The following CFAP299 variants were observed in gnomAD, a reference collection of about 807,000 sequenced individuals.
The protein encoded by CFAP299 is cilia- and flagella-associated protein 299.
In CFAP299, 21 loss-of-function variants were observed where a neutral mutation model predicts 27.0. That is an observed-to-expected ratio of 0.78 (90% confidence interval 0.55 to 1.12). The LOEUF is 1.12. CFAP299 is among the 50% of genes most tolerant of loss of function. The probability of loss-of-function intolerance (pLI) is 0.00; values close to 1 mark genes in which losing one functional copy is unlikely to be tolerated. For synonymous variants in CFAP299, 104 were observed against 98.1 expected, an observed-to-expected ratio of 1.06 and a Z score of -0.36; for missense variants, 310 against 276.6, an observed-to-expected ratio of 1.12 and a Z score of -0.86.
At chr4:80,456,615 T>G (rs907326100) in intron 2 of CFAP299, among the ~76,000 whole-genome samples, 1 of 152,152 alleles carries the variant, frequency 6.6e-6, no homozygotes, top group African/African-American at 2.4e-5. Flanking sequence ...AAATAGACCA[T>G]AAGAGAAGGA....
chr4:80,401,392 G>A (rs1399086574), intron 2 of CFAP299, among the ~76,000 whole-genome samples: 1 of 152,152 alleles, frequency 6.6e-6, no homozygotes, highest in African/African-American at 2.4e-5. Context: ...CGTGCTGTGT[G>A]CACACTAGGG....
At chr4:80,492,078 C>T (rs1322750892) in intron 2 of CFAP299, among the ~76,000 whole-genome samples, 1 of 152,186 alleles carries the variant, frequency 6.6e-6, no homozygotes, top group Non-Finnish European at 1.5e-5. Flanking sequence ...GATCTTTAGA[C>T]AAACTCAACC....
At chr4:80,426,415 A>T (rs973326053) in intron 2 of CFAP299, among the ~76,000 whole-genome samples, 2 of 152,210 alleles carry the variant, frequency 1.3e-5, no homozygotes, top group African/African-American at 4.8e-5. Context: ...ATGGAAATGA[A>T]ACTATCTATT....
At chr4:80,390,939 ATGTATGT>A (rs1560544090) in intron 2 of CFAP299, among the ~76,000 whole-genome samples, 1 of 28,254 alleles carries the variant, frequency 3.5e-5, no homozygotes, top group African/African-American at 6.7e-5. Flanking sequence ...ATATGTATAT[ATGTATGT>A]ACACACATGT....
At chr4:80,673,640 G>T (rs529531053) in intron 3 of CFAP299, among the ~76,000 whole-genome samples, 2 of 152,216 alleles carry the variant, frequency 1.3e-5, no homozygotes, top group South Asian at 2.1e-4. Context: ...TTATTATTGT[G>T]TGGGAGTCTA....
intron 2 of CFAP299, among the ~76,000 whole-genome samples, chr4:80,549,287 G>T (rs1734389831): frequency 6.6e-6 from 1 of 152,064 alleles, no homozygotes; most frequent in Non-Finnish European, 1.5e-5. Context: ...AAATGATGAT[G>T]ATGGTTTGGG....
In CFAP299 at chr4:80,856,334, T is replaced by G. The variant is rs961691243; in HGVS notation, c.334-13659T>G. ...TGTCAGATGAGTAGGTTGCGAAAATTTTCTCCCATTTTGTGGGTTGCCTGT... is the reference window on the plus strand; with the variant it reads ...TGTCAGATGAGTAGGTTGCGAAAATGTTCTCCCATTTTGTGGGTTGCCTGT... On this transcript the variant is annotated intron_variant, in intron 3 of 5. Coordinates refer to ENST00000358105, the MANE Select transcript of CFAP299 (RefSeq NM_152770.3). 2.5e-4 allele frequency among the ~76,000 whole-genome samples: 37 copies of G among 148,700 alleles called. 1 individual carries two copies. The highest frequency in any genetic ancestry group is 8.3e-4 in the African/African-American group (33 of 39,552).
intron 3 of CFAP299, among the ~76,000 whole-genome samples, chr4:80,726,620 A>C (rs1723179873): frequency 6.6e-6 from 1 of 151,888 alleles, no homozygotes; most frequent in Non-Finnish European, 1.5e-5. Flanking sequence ...ATGTGTTATG[A>C]GCTATCTGTC....
At chr4:80,815,797 C>T (rs953947431) in intron 3 of CFAP299, among the ~76,000 whole-genome samples, 4 of 151,682 alleles carry the variant, frequency 2.6e-5, no homozygotes, top group Non-Finnish European at 5.9e-5. Flanking sequence ...TGTATATGTA[C>T]GTATGTATAA....
intron 3 of CFAP299, among the ~76,000 whole-genome samples, chr4:80,707,509 A>G (rs1318133315): frequency 1.3e-5 from 2 of 151,984 alleles, no homozygotes; most frequent in Non-Finnish European, 2.9e-5. Flanking sequence ...TAAGTACACT[A>G]TCCATCAAGT....
intron 2 of CFAP299, among the ~76,000 whole-genome samples, chr4:80,407,500 G>A (rs537228323): frequency 7.9e-4 from 120 of 152,228 alleles, no homozygotes; most frequent in African/African-American, 2.7e-3. Flanking sequence ...ACTTCTTGCC[G>A]GCTAGCCTGA....
intron 2 of CFAP299, among the ~76,000 whole-genome samples, chr4:80,473,058 G>T (rs1187183608): frequency 1.3e-5 from 2 of 152,056 alleles, no homozygotes; most frequent in African/African-American, 2.4e-5. Context: ...TCCCTCAAGG[G>T]GCTTAAGATT....
intron 2 of CFAP299, among the ~76,000 whole-genome samples, chr4:80,562,651 C>T (rs1012127999): frequency 3.6e-5 from 5 of 139,720 alleles, no homozygotes; most frequent in African/African-American, 1.4e-4. Flanking sequence ...CAGCGAGACT[C>T]AATTTCAATA....
At chr4:80,559,679 C>T (rs1246971040) in intron 2 of CFAP299, among the ~76,000 whole-genome samples, 3 of 152,282 alleles carry the variant, frequency 2.0e-5, no homozygotes, top group Admixed American at 6.5e-5. Context: ...GGAGAGAGAA[C>T]ACTGCAATTG....
At chr4:80,332,581 G>A (rs1450616461), upstream of CFAP299, among the ~76,000 whole-genome samples, 1 of 152,090 alleles carries the variant, frequency 6.6e-6, no homozygotes, top group African/African-American at 2.4e-5. Flanking sequence ...ATTTGACTGT[G>A]GGAAATCTAT....
At chr4:80,364,652 T>C (rs1723728358) in intron 2 of CFAP299, among the ~76,000 whole-genome samples, 1 of 152,336 alleles carries the variant, frequency 6.6e-6, no homozygotes, top group South Asian at 2.1e-4. Flanking sequence ...AGGTTTGTTA[T>C]AGGTAAACAT....
intron 2 of CFAP299, chr4:80,387,470 G>A (rs1237280964): frequency 2.4e-6 from 2 of 820,136 alleles, no homozygotes; most frequent in Non-Finnish European, 4.2e-6. Flanking sequence ...TTTCCGGCTT[G>A]CCCCTTGCTA....
At chr4:80,413,221 A>G (rs1726818331) in intron 2 of CFAP299, among the ~76,000 whole-genome samples, 1 of 152,218 alleles carries the variant, frequency 6.6e-6, no homozygotes, top group Non-Finnish European at 1.5e-5. Context: ...ATCAAAGTGT[A>G]GAGCCAGACG....
intron 4 of CFAP299, among the ~76,000 whole-genome samples, chr4:80,875,150 G>T (rs980782695): frequency 6.6e-6 from 1 of 151,998 alleles, no homozygotes; most frequent in Admixed American, 6.6e-5. Flanking sequence ...CAACCCAGAG[G>T]CTCAATCTCA....
Sources: gnomAD v4.1 joint callset for allele counts (sites outside exome capture counted in the v4.1 genomes callset) on GRCh38, gnomAD v4.1.1 for gene constraint, MANE v1.5 for transcripts, NCBI Gene and HGNC (gene_info 2026-07-23, HGNC 2026-07-21) for gene names.